VGLL3: variants seen among roughly 807,000 people sequenced by gnomAD.
VGLL3 encodes vestigial like family member 3.
In VGLL3, 18 loss-of-function variants were observed where a neutral mutation model predicts 29.2. The ratio of observed to expected loss-of-function variants is 0.62; its 90% CI spans 0.43 to 0.91. The LOEUF (loss-of-function observed/expected upper bound fraction) is 0.91. Ranked by LOEUF, VGLL3 falls within the 40% of genes least tolerant of loss-of-function variation. The probability of loss-of-function intolerance (pLI) is 0.00; values close to 1 mark genes in which losing one functional copy is unlikely to be tolerated. For synonymous variants in VGLL3, 180 were observed against 151.8 expected (o/e 1.19, Z -1.36); for missense variants, 440 against 413.2 (o/e 1.06, Z -0.56).
At chr3:86,985,698 C>G (rs1705426270) in intron 1 of VGLL3, among the ~76,000 whole-genome samples, 1 of 152,194 alleles carries the variant, frequency 6.6e-6, no homozygotes, top group Non-Finnish European at 1.5e-5. Context: ...CAGAGCAGAG[C>G]TTAGCTCAAA....
chr3:86,984,982 T>C (rs1295186225), intron 1 of VGLL3, among the ~76,000 whole-genome samples: 1 of 152,142 alleles, frequency 6.6e-6, no homozygotes, highest in African/African-American at 2.4e-5. Context: ...GGGAAGGGAA[T>C]TCAATAAAAA....
Position 86,965,710 on chromosome 3 carries a change from C to T in VGLL3, c.937+2880G>A, listed in dbSNP as rs371233390. Among the ~76,000 whole-genome samples, 52 of 152,256 alleles carry T rather than the reference C, an allele frequency of 3.4e-4. No homozygotes were observed. In the Middle Eastern group the frequency reaches 0.014, roughly 40 times the overall value. On this transcript the variant is annotated intron_variant, in intron 3 of 3. Transcript: ENST00000398399. ...CCCACCTGGCCCAATATCATGTCCC[C>T]TTACCAGAGGCAGATCACAACTTCT...
At chr3:86,966,624 G>T (rs1248069400) in intron 3 of VGLL3, among the ~76,000 whole-genome samples, 5 of 151,294 alleles carry the variant, frequency 3.3e-5, no homozygotes, top group Admixed American at 2.0e-4. Flanking sequence ...CTCAGAGAGG[G>T]ACACGTCTTA....
intron 3 of VGLL3, chr3:86,962,926 T>A (rs1227406409): frequency 7.9e-6 from 1 of 126,682 alleles, no homozygotes; most frequent in Non-Finnish European, 1.9e-5. Flanking sequence ...ATAGTGACTA[T>A]CTACTAAAAA....
intron 2 of VGLL3, among the ~76,000 whole-genome samples, chr3:86,976,140 G>A (rs936256169): frequency 6.6e-6 from 1 of 151,930 alleles, no homozygotes; most frequent in Non-Finnish European, 1.5e-5. Context: ...TAAAGCATCT[G>A]TTCTCCACCT....
chr3:86,958,419 C>T (rs549528830), intron 3 of VGLL3, among the ~76,000 whole-genome samples: 2 of 152,316 alleles, frequency 1.3e-5, no homozygotes, highest in Non-Finnish European at 2.9e-5. Flanking sequence ...ATTTACACCA[C>T]GTAACTATTT....
intron 3 of VGLL3, among the ~76,000 whole-genome samples, chr3:86,965,708 C>T (rs1428197095): frequency 6.6e-6 from 1 of 152,104 alleles, no homozygotes; most frequent in African/African-American, 2.4e-5. Flanking sequence ...ATATCATGTC[C>T]CCTTACCAGA....
rs561112061 is a variant in VGLL3, at chr3:86,974,302, A to G, written c.403+4224T>C. 2.6e-5 allele frequency among the ~76,000 whole-genome samples: 4 copies of G among 152,152 alleles called. No individual in the cohort carries two copies. The South Asian group carries it at 8.3e-4, about 32-fold the overall frequency. On this transcript the variant is annotated intron_variant, in intron 2 of 3. Transcript: ENST00000398399. Reference sequence around the variant, plus strand: ...CTGGCTAATTTTTTGTGTTTTTAGTAGAGATGGGGTTTCACAATGTTGCCT... The same window carrying G: ...CTGGCTAATTTTTTGTGTTTTTAGTGGAGATGGGGTTTCACAATGTTGCCT...
intron 3 of VGLL3, among the ~76,000 whole-genome samples, chr3:86,966,809 A>G (rs1183216738): frequency 1.0e-4 from 13 of 125,232 alleles, no homozygotes; most frequent in African/African-American, 3.0e-4. Context: ...ATATATATAT[A>G]TATATATATA....
intron 3 of VGLL3, among the ~76,000 whole-genome samples, chr3:86,952,864 G>T (rs781524998): frequency 6.6e-6 from 1 of 152,066 alleles, no homozygotes; most frequent in African/African-American, 2.4e-5. Flanking sequence ...TCACAAAAAG[G>T]TGCGAGAGAC....
chr3:86,989,793 C>T (rs1705541295), intron 1 of VGLL3, among the ~76,000 whole-genome samples: 1 of 152,122 alleles, frequency 6.6e-6, no homozygotes, highest in African/African-American at 2.4e-5. Flanking sequence ...GCACACTCTC[C>T]GTTGTATCCA....
intron 3 of VGLL3, among the ~76,000 whole-genome samples, chr3:86,954,719 C>T (rs969969280): frequency 1.6e-4 from 24 of 151,510 alleles, no homozygotes; most frequent in Non-Finnish European, 3.4e-4. Flanking sequence ...CTATATGGAA[C>T]GATATGGAAT....
In VGLL3 at chr3:86,950,969, C is replaced by T. The variant is rs1223359422; in HGVS notation, c.938-3902G>A. On this transcript the variant is annotated intron_variant, in intron 3 of 3. Transcript: ENST00000398399. ...AGTTAGGACAAAAGCCTGAAAGAAA[C>T]TGAGAGTCCTTAGACCCATTTCCTT... 2.0e-5 allele frequency among the ~76,000 whole-genome samples: 3 copies of T among 152,132 alleles called. No homozygotes were observed. In the East Asian group the frequency reaches 5.8e-4, roughly 29 times the overall value.
chr3:86,959,038 T>G (rs1266560669), intron 3 of VGLL3, among the ~76,000 whole-genome samples: 1 of 152,206 alleles, frequency 6.6e-6, no homozygotes, highest in Non-Finnish European at 1.5e-5. Flanking sequence ...AAAAAGTATT[T>G]CCATTATTCA....
intron 3 of VGLL3, among the ~76,000 whole-genome samples, chr3:86,948,108 T>C (rs11710768): frequency 0.014 from 2,176 of 152,332 alleles, 25 homozygotes; most frequent in Non-Finnish European, 0.022. Context: ...TAGTTCTCTT[T>C]GTTTTTGTAC....
intron 3 of VGLL3, among the ~76,000 whole-genome samples, chr3:86,952,900 T>C (rs1281327060): frequency 6.6e-6 from 1 of 152,186 alleles, no homozygotes; most frequent in Non-Finnish European, 1.5e-5. Context: ...TATTACTTTA[T>C]GAAATTATCA....
chr3:86,958,829 C>T lies in VGLL3; in HGVS notation c.937+9761G>A, dbSNP rs555503137. On this transcript the variant is annotated intron_variant, in intron 3 of 3. Coordinates refer to ENST00000398399, the MANE Select transcript of VGLL3 (RefSeq NM_016206.4). ...ATTGTCATTCTGGACACGTGCCCTA[C>T]ACAACTAACACCAATCAAGAGTTTG... 3.9e-5 allele frequency among the ~76,000 whole-genome samples: 6 copies of T among 152,280 alleles called. No individual in the cohort carries two copies. In the South Asian group the frequency reaches 1.2e-3, roughly 32 times the overall value.
At chr3:86,986,813 A>G (rs1299442198) in intron 1 of VGLL3, among the ~76,000 whole-genome samples, 1 of 152,166 alleles carries the variant, frequency 6.6e-6, no homozygotes, top group East Asian at 1.9e-4. Flanking sequence ...ATACTGTTTC[A>G]TCAACAAGGG....
At chr3:86,978,491 A>G in intron 2 of VGLL3, 35 bp downstream of exon 2, 5 of 1,602,254 alleles carry the variant, frequency 3.1e-6, no homozygotes, top group Non-Finnish European at 3.4e-6. Context: ...AAACAAAGAC[A>G]GTGCCCTGGA....
Sources: gnomAD v4.1 joint callset for allele counts (sites outside exome capture counted in the v4.1 genomes callset) on GRCh38, gnomAD v4.1.1 for gene constraint, MANE v1.5 for transcripts, NCBI Gene and HGNC (gene_info 2026-07-23, HGNC 2026-07-21) for gene names.